Variants in URB2 observed in about 807,000 individuals in gnomAD.
URB2 encodes the protein unhealthy ribosome biogenesis protein 2 homolog.
Under a neutral mutation model 120.9 loss-of-function variants are expected in URB2, and 86 were observed. The observed-to-expected ratio is 0.71, with a 90% CI of 0.60 to 0.85. The LOEUF (loss-of-function observed/expected upper bound fraction) is 0.85. Among genes scored for constraint, URB2 ranks in the 40% least tolerant of loss-of-function variants. The probability of loss-of-function intolerance (pLI) is 0.00; values close to 1 mark genes in which losing one functional copy is unlikely to be tolerated. For missense variants in URB2, 1,765 were observed against 1,836.5 expected (o/e 0.96, Z 0.71); for synonymous variants, 755 against 758.4 (o/e 1.00, Z 0.07).
Position 229,635,482 on chromosome 1 carries a change from A to G in URB2, c.869A>G (p.Tyr290Cys), listed in dbSNP as rs192698342. 2.3e-4 allele frequency: 363 copies of G among 1,613,212 alleles called. 3 individuals carry two copies. In the Admixed American group the frequency reaches 5.9e-3, roughly 26 times the overall value. ...TVLNRLVDAG[Y>C]CAASLHTSVV... is the part of the protein sequence containing the mutation. Reference sequence around the variant, plus strand: ...CTTAACAGGCTGGTTGATGCTGGCTACTGTGCAGCATCCCTTCATACCTCT... The same window carrying G: ...CTTAACAGGCTGGTTGATGCTGGCTGCTGTGCAGCATCCCTTCATACCTCT... The change falls in exon 4 of 10, where the codon TAC becomes TGC. Residue 290 changes from tyrosine to cysteine, a missense_variant. Coordinates refer to ENST00000258243, the MANE Select transcript of URB2 (RefSeq NM_014777.4).
Position 229,636,925 on chromosome 1 carries a change from C to T in URB2, c.2312C>T (p.Pro771Leu), listed in dbSNP as rs568685264. 2.5e-6 allele frequency: 4 copies of T among 1,613,032 alleles called. No homozygotes were observed. The African/African-American group carries it at 5.3e-5, about 22-fold the overall frequency. ...YLASVLLRTL[P>L]MGKAQEVSID... ...GCCAGTGTCCTGCTGAGAACTTTACCCATGGGCAAAGCCCAGGAAGTCTCA... is the reference window on the plus strand; with the variant it reads ...GCCAGTGTCCTGCTGAGAACTTTACTCATGGGCAAAGCCCAGGAAGTCTCA... The change falls in exon 4 of 10, where the codon CCC (proline) becomes CTC (leucine). Residue 771 changes from proline (P) to leucine (L), a missense_variant. Coordinates refer to ENST00000258243, the MANE Select transcript of URB2 (RefSeq NM_014777.4).
In URB2 at chr1:229,638,155, T is replaced by A. The variant is rs752521584; in HGVS notation, c.3542T>A (p.Phe1181Tyr). 3.5e-5 allele frequency: 57 copies of A among 1,614,160 alleles called. No homozygotes were observed. Among genetic ancestry groups the A allele is most frequent in the Non-Finnish European group, 4.7e-5 (55 of 1,180,016 alleles). Reference sequence around the variant, plus strand: ...CAGTCTTTTCAGGCAGCCTTGCAGTTTTTGACTCTGTTCTTTTTGGCCCCA... The same window carrying A: ...CAGTCTTTTCAGGCAGCCTTGCAGTATTTGACTCTGTTCTTTTTGGCCCCA... ...HDQSFQAALQ[F>Y]LTLFFLAPEL... Residue 1181 changes from phenylalanine (F) to tyrosine (Y), a missense_variant, in exon 4 of 10, where the codon TTT (phenylalanine) becomes TAT (tyrosine). Phe to Tyr is a conservative substitution (Grantham distance 22). Coordinates refer to ENST00000258243, the MANE Select transcript of URB2 (RefSeq NM_014777.4).
chr1:229,627,535 C>A, intron 1 of URB2, 86 bp from the exon 2 acceptor site: 1 of 1,277,384 alleles, frequency 7.8e-7, no homozygotes, highest in Non-Finnish European at 1.1e-6. Context: ...AAACAAGATA[C>A]AGTACTGCAA....
At position 229,659,454 on chromosome 1, in the gene URB2, T is replaced by A; in HGVS notation, c.*157T>A. On this transcript the variant is annotated 3_prime_UTR_variant, in exon 10 of 10. Transcript: ENST00000258243. ...TTTATGTAGTATATTTTGATGTATT[T>A]TACATCGTGTTTTTCTTACTATTTT... The A allele has an allele frequency of 1.4e-6, 1 of 704,128 alleles. No individual in the cohort carries two copies. Among genetic ancestry groups the A allele is most frequent in the Non-Finnish European group, 2.2e-6 (1 of 454,204 alleles). 43.6% of individuals were successfully genotyped at this position (704,128 alleles called of 1,614,324 possible).
chr1:229,657,443 A>G (rs1206031245), intron 9 of URB2, among the ~76,000 whole-genome samples: 2 of 152,312 alleles, frequency 1.3e-5, no homozygotes, highest in Non-Finnish European at 2.9e-5. Context: ...TAGCGCTGCC[A>G]GTTATTAGCT....
intron 2 of URB2, among the ~76,000 whole-genome samples, chr1:229,629,341 C>T (rs1052428485): frequency 6.6e-6 from 1 of 152,096 alleles, no homozygotes; most frequent in Admixed American, 6.5e-5. Context: ...TTTTTTGCTT[C>T]GTGTGTCTGA....
In URB2 at chr1:229,634,932, G is replaced by A; in HGVS notation, c.319G>A (p.Val107Ile). The change falls in exon 4 of 10, where the codon GTA (valine) becomes ATA (isoleucine). Residue 107 changes from valine (V) to isoleucine (I), a missense_variant. Coordinates refer to ENST00000258243, the MANE Select transcript of URB2 (RefSeq NM_014777.4). The part of the protein sequence containing the change: ...ISLVKIINER[V>I]AEFSLSGSQR... ...TAATGTTCAGATCATCAATGAGAGA[G>A]TAGCTGAGTTCTCTCTTTCGGGATC... The A allele has an allele frequency of 6.5e-7, 1 of 1,530,384 alleles. No individual in the cohort carries two copies. The highest frequency in any genetic ancestry group is 2.1e-5 in the Admixed American group (1 of 46,658). The allele number at this position is 1,530,384 out of a possible 1,614,324, so 94.8% of individuals were successfully genotyped here.
At chr1:229,642,516 G>T (rs190533456) in intron 4 of URB2, among the ~76,000 whole-genome samples, 11 of 152,332 alleles carry the variant, frequency 7.2e-5, no homozygotes, top group Admixed American at 3.9e-4. Context: ...AGATGGGGCT[G>T]AAGCGCTGGC....
At chr1:229,644,123 G>A (rs997608908) in intron 5 of URB2, among the ~76,000 whole-genome samples, 4 of 152,238 alleles carry the variant, frequency 2.6e-5, no homozygotes, top group Non-Finnish European at 4.4e-5. Context: ...GACAGAAGTC[G>A]CTAATACAGC....
intron 5 of URB2, among the ~76,000 whole-genome samples, chr1:229,644,982 A>T (rs1392147824): frequency 6.6e-6 from 1 of 152,184 alleles, no homozygotes; most frequent in Non-Finnish European, 1.5e-5. Context: ...CACAATACTG[A>T]TATGTATAAA....
chr1:229,628,270 A>ATACATATATTATATATGTATATAT (rs1192348490), intron 2 of URB2, among the ~76,000 whole-genome samples: 2 of 66,644 alleles, frequency 3.0e-5, no homozygotes, highest in African/African-American at 9.0e-5. Context: ...TATGTATATA[A>ATACATATATTATATATGTATATAT]ATTAGTCAGA....
intron 8 of URB2, among the ~76,000 whole-genome samples, chr1:229,652,190 A>T (rs1047561941): frequency 9.1e-6 from 1 of 109,726 alleles, no homozygotes; most frequent in East Asian, 5.8e-4. Flanking sequence ...TCCAAAAAAA[A>T]ATAAAAAACA....
intron 2 of URB2, 65 bp downstream of exon 2, chr1:229,627,824 G>A: frequency 1.3e-6 from 2 of 1,488,752 alleles, no homozygotes; most frequent in African/African-American, 1.4e-5. Flanking sequence ...TTATAATTTG[G>A]ATATTGACAA....
chr1:229,639,698 G>GT (rs1665954713), intron 4 of URB2, among the ~76,000 whole-genome samples: 1 of 152,084 alleles, frequency 6.6e-6, no homozygotes, highest in Non-Finnish European at 1.5e-5. Context: ...GCCTTCCTTA[G>GT]TTCACCCCTG....
At position 229,635,739 on chromosome 1, in the gene URB2, G is replaced by A. The variant is rs776959754; in HGVS notation, c.1126G>A (p.Ala376Thr). The change falls in exon 4 of 10, where the codon GCT becomes ACT. Residue 376 changes from alanine (A) to threonine (T), a missense_variant. By Grantham distance (58) the Ala-to-Thr change is moderately conservative. Transcript: ENST00000258243. Reference sequence around the variant, plus strand: ...GGCCAACAACAATATCTACAACATCGCTGCCGACAGAATTCGGCACGAAGA... The same window carrying A: ...GGCCAACAACAATATCTACAACATCACTGCCGACAGAATTCGGCACGAAGA... ...SVANNNIYNI[A>T]ADRIRHEEAQ... 25 of 1,614,012 alleles carry A rather than the reference G, an allele frequency of 1.5e-5. No individual in the cohort carries two copies. Among genetic ancestry groups the A allele is most frequent in the Non-Finnish European group, 1.9e-5 (23 of 1,180,038 alleles).
In URB2 at chr1:229,637,804, G is replaced by A; in HGVS notation, c.3191G>A (p.Cys1064Tyr). 1.2e-6 allele frequency: 2 copies of A among 1,613,642 alleles called. No homozygotes were observed. The highest frequency in any genetic ancestry group is 1.1e-5 in the South Asian group (1 of 91,042). ...QLLLVSLTRL[C>Y]HVLGPFLKEQ... is the part of the protein sequence containing the mutation. The stretch of plus-strand genomic sequence containing the variant: ...CTTCTGGTGTCTTTAACCAGGTTGT[G>A]CCATGTCCTGGGACCTTTCCTCAAA... Residue 1064 changes from cysteine to tyrosine, a missense_variant, in exon 4 of 10, where the codon TGC (cysteine) becomes TAC (tyrosine). Physicochemically the swap from Cys to Tyr is radical, Grantham distance 194. Coordinates refer to ENST00000258243, the MANE Select transcript of URB2 (RefSeq NM_014777.4).
chr1:229,634,849 T>A (rs1180028868), intron 3 of URB2, 68 bp from the exon 4 acceptor site: 7 of 1,349,792 alleles, frequency 5.2e-6, no homozygotes, highest in Admixed American at 2.9e-5. Flanking sequence ...TTTTTTTTTT[T>A]AATACTTTTC....
At chr1:229,651,713 A>G (rs1333463621) in intron 8 of URB2, among the ~76,000 whole-genome samples, 1 of 152,194 alleles carries the variant, frequency 6.6e-6, no homozygotes, top group East Asian at 1.9e-4. Context: ...CATTTTATAA[A>G]AGGGATAAGG....
At chr1:229,633,373 C>A (rs1204708155) in intron 3 of URB2, among the ~76,000 whole-genome samples, 1 of 152,126 alleles carries the variant, frequency 6.6e-6, no homozygotes, top group Non-Finnish European at 1.5e-5. Context: ...TTTAAAAAGC[C>A]ATACTTAAAT....
Sources: gnomAD v4.1 joint callset for allele counts (sites outside exome capture counted in the v4.1 genomes callset) on GRCh38, gnomAD v4.1.1 for gene constraint, MANE v1.5 for transcripts, NCBI Gene and HGNC (gene_info 2026-07-23, HGNC 2026-07-21) for gene names.